Variants in PTPRK observed in about 807,000 individuals in gnomAD.
The protein encoded by PTPRK is protein tyrosine phosphatase receptor type K.
PTPRK carries 75 observed loss-of-function variants against 178.0 expected under a neutral mutation model. The ratio of observed to expected loss-of-function variants is 0.42; its 90% CI spans 0.35 to 0.51. PTPRK has a LOEUF of 0.51. PTPRK is among the 20% of genes least tolerant of loss of function. PTPRK has a pLI of 0.02. For missense variants in PTPRK, 1,441 were observed against 1,797.8 expected (o/e 0.80, Z 3.59); for synonymous variants, 637 against 620.6 (o/e 1.03, Z -0.39).
Position 128,170,613 on chromosome 6 carries a change from G to T in PTPRK, c.1162+13819C>A, listed in dbSNP as rs1213795649. 4.6e-5 allele frequency among the ~76,000 whole-genome samples: 7 copies of T among 151,682 alleles called. No individual in the cohort carries two copies. In the East Asian group the frequency reaches 1.4e-3, roughly 30 times the overall value. On this transcript the variant is annotated intron_variant, in intron 7 of 29. Coordinates refer to ENST00000368226, the MANE Select transcript of PTPRK (RefSeq NM_002844.4). The stretch of plus-strand genomic sequence containing the variant: ...GTGCCACCTTGGGAGCTAGCACTGA[G>T]AATTCATGGTCATCTCTTAAATTAA...
intron 2 of PTPRK, among the ~76,000 whole-genome samples, chr6:128,387,200 C>A (rs1200727764): frequency 6.6e-6 from 1 of 152,114 alleles, no homozygotes; most frequent in African/African-American, 2.4e-5. Flanking sequence ...AAACTTGGGA[C>A]CCAGCACAAG....
chr6:128,284,204 C>G (rs1323585798), intron 3 of PTPRK, among the ~76,000 whole-genome samples: 1 of 152,158 alleles, frequency 6.6e-6, no homozygotes, highest in African/African-American at 2.4e-5. Flanking sequence ...ATTCCCAAAG[C>G]ACCTTTTAAA....
At chr6:128,351,685 A>G (rs1833156118) in intron 2 of PTPRK, among the ~76,000 whole-genome samples, 1 of 152,214 alleles carries the variant, frequency 6.6e-6, no homozygotes, top group East Asian at 1.9e-4. Context: ...GAATCTTTTC[A>G]AAAATGAAAT....
intron 5 of PTPRK, among the ~76,000 whole-genome samples, chr6:128,236,434 C>T (rs1349482148): frequency 6.6e-6 from 1 of 150,484 alleles, no homozygotes; most frequent in Non-Finnish European, 1.5e-5. Flanking sequence ...CTGCAACCTC[C>T]GCCTCCCGGG....
chr6:128,348,756 T>A (rs982056195), intron 2 of PTPRK, among the ~76,000 whole-genome samples: 3 of 152,046 alleles, frequency 2.0e-5, no homozygotes, highest in African/African-American at 7.2e-5. Context: ...TAATAAGATA[T>A]GTATGAAAAC....
chr6:128,437,761 C>T (rs1394842086), intron 1 of PTPRK, among the ~76,000 whole-genome samples: 1 of 152,094 alleles, frequency 6.6e-6, no homozygotes, highest in African/African-American at 2.4e-5. Context: ...GCAGTATAGG[C>T]AGGGCTGATG....
chr6:128,238,354 A>C (rs1813741455), intron 5 of PTPRK, among the ~76,000 whole-genome samples: 2 of 147,728 alleles, frequency 1.4e-5, no homozygotes, highest in Admixed American at 1.3e-4. Flanking sequence ...AAAGCAAACA[A>C]AAAAAAAAAA....
At chr6:128,037,848 G>GT (rs1776486143) in intron 13 of PTPRK, among the ~76,000 whole-genome samples, 1 of 152,108 alleles carries the variant, frequency 6.6e-6, no homozygotes, top group Admixed American at 6.5e-5. Flanking sequence ...ATTTGTCCCT[G>GT]TAATAGACTC....
chr6:128,065,690 TTTAAA>T (rs1256901702), intron 12 of PTPRK, among the ~76,000 whole-genome samples: 3 of 152,228 alleles, frequency 2.0e-5, no homozygotes, highest in Non-Finnish European at 4.4e-5. Context: ...TTTTTTTATT[TTTAAA>T]TTAAAATAAA....
At chr6:128,431,877 C>T (rs1230875479) in intron 1 of PTPRK, among the ~76,000 whole-genome samples, 1 of 152,124 alleles carries the variant, frequency 6.6e-6, no homozygotes, top group South Asian at 2.1e-4. Flanking sequence ...GGCAGGCTGA[C>T]ATTTTCATGG....
intron 7 of PTPRK, among the ~76,000 whole-genome samples, chr6:128,113,209 A>C (rs942239837): frequency 6.6e-6 from 1 of 152,002 alleles, no homozygotes; most frequent in African/African-American, 2.4e-5. Flanking sequence ...CAGACACAAA[A>C]TGTATCTATG....
At chr6:128,373,244 TA>T in intron 2 of PTPRK, among the ~76,000 whole-genome samples, 1 of 152,324 alleles carries the variant, frequency 6.6e-6, no homozygotes, top group East Asian at 1.9e-4. Flanking sequence ...AAAGCTGCGT[TA>T]GTTCACATTT....
At chr6:127,974,000 G>A (rs1318589484) in intron 27 of PTPRK, among the ~76,000 whole-genome samples, 173 bp from the exon 28 acceptor site, 3 of 152,158 alleles carry the variant, frequency 2.0e-5, no homozygotes, top group African/African-American at 7.2e-5. Context: ...ACAACAGCAG[G>A]AAACATGGCA....
At chr6:127,972,941 T>C in intron 29 of PTPRK, 81 bp downstream of exon 29, 2 of 1,389,026 alleles carry the variant, frequency 1.4e-6, no homozygotes, top group Non-Finnish European at 2.0e-6. Flanking sequence ...TCCCTATGTG[T>C]GTATGAAGTC....
chr6:128,013,860 C>T (rs1779310230), intron 13 of PTPRK, among the ~76,000 whole-genome samples: 1 of 151,506 alleles, frequency 6.6e-6, no homozygotes, highest in Admixed American at 6.6e-5. Flanking sequence ...TACTGTCTGC[C>T]TGTTCCACCT....
intron 25 of PTPRK, among the ~76,000 whole-genome samples, chr6:127,977,281 A>G (rs1472401889): frequency 6.6e-6 from 1 of 152,218 alleles, no homozygotes; most frequent in Non-Finnish European, 1.5e-5. Context: ...AATGCTTCCA[A>G]AGCAATTCAA....
chr6:128,506,752 G>A (rs1856420308), intron 1 of PTPRK, among the ~76,000 whole-genome samples: 1 of 151,492 alleles, frequency 6.6e-6, no homozygotes, highest in Admixed American at 6.6e-5. Context: ...ATAAACACTG[G>A]ATTATATTCT....
intron 1 of PTPRK, among the ~76,000 whole-genome samples, chr6:128,422,388 A>AAT (rs1157770471): frequency 6.6e-6 from 1 of 152,168 alleles, no homozygotes; most frequent in African/African-American, 2.4e-5. Flanking sequence ...CACAAAGAGA[A>AAT]ATAGGTAAGT....
chr6:128,058,868 A>G (rs1195886112), intron 13 of PTPRK, among the ~76,000 whole-genome samples: 1 of 151,946 alleles, frequency 6.6e-6, no homozygotes, highest in Non-Finnish European at 1.5e-5. Context: ...AGTGTGAGTT[A>G]GGGGTCAAGA....
Sources: gnomAD v4.1 joint callset for allele counts (sites outside exome capture counted in the v4.1 genomes callset) on GRCh38, gnomAD v4.1.1 for gene constraint, MANE v1.5 for transcripts, NCBI Gene and HGNC (gene_info 2026-07-23, HGNC 2026-07-21) for gene names.